The following DPF3 variants were observed in gnomAD, a reference collection of about 807,000 sequenced individuals.
DPF3 encodes zinc finger protein DPF3.
Under a neutral mutation model 56.8 loss-of-function variants are expected in DPF3, and 18 were observed. That is an observed-to-expected ratio of 0.32 (90% CI 0.22 to 0.47). DPF3 has a LOEUF of 0.47. DPF3 is among the 20% of genes least tolerant of loss of function. The probability of loss-of-function intolerance (pLI) is 1.00; values close to 1 mark genes in which losing one functional copy is unlikely to be tolerated. For synonymous variants in DPF3, 188 were observed against 180.2 expected (o/e 1.04, Z -0.35); for missense variants, 403 against 488.8 (o/e 0.82, Z 1.65).
intron 1 of DPF3, among the ~76,000 whole-genome samples, chr14:72,830,459 T>A (rs1359252545): frequency 6.6e-6 from 1 of 152,210 alleles, no homozygotes; most frequent in Non-Finnish European, 1.5e-5. Flanking sequence ...GAATGTGGAA[T>A]TTGAAATCAG....
chr14:72,724,422 T>TG (rs1050305053), intron 4 of DPF3, among the ~76,000 whole-genome samples: 3 of 152,094 alleles, frequency 2.0e-5, no homozygotes, highest in African/African-American at 7.2e-5. Context: ...GATCATCCAG[T>TG]GAAGCCATGA....
intron 8 of DPF3, among the ~76,000 whole-genome samples, chr14:72,660,121 G>A (rs1470825606): frequency 6.6e-6 from 1 of 152,080 alleles, no homozygotes; most frequent in African/African-American, 2.4e-5. Context: ...AGAGATGGAT[G>A]GTGATGATGG....
chr14:72,692,342 G>T (rs1422938596), intron 7 of DPF3, among the ~76,000 whole-genome samples: 1 of 152,124 alleles, frequency 6.6e-6, no homozygotes, highest in Non-Finnish European at 1.5e-5. Flanking sequence ...TGAGATTTCT[G>T]CAGGCCCAGA....
intron 1 of DPF3, among the ~76,000 whole-genome samples, chr14:72,817,118 G>T (rs1005492748): frequency 4.6e-5 from 7 of 152,146 alleles, no homozygotes; most frequent in African/African-American, 1.4e-4. Context: ...GCCCCGGGGG[G>T]ACAGCGTCCA....
At chr14:72,637,795 T>C (rs1885428017) in intron 8 of DPF3, among the ~76,000 whole-genome samples, 1 of 151,906 alleles carries the variant, frequency 6.6e-6, no homozygotes, top group African/African-American at 2.4e-5. Context: ...CAGCTAAAAC[T>C]GAAAGTTAAA....
intron 6 of DPF3, among the ~76,000 whole-genome samples, chr14:72,711,130 C>T (rs1888636291): frequency 1.3e-5 from 2 of 152,176 alleles, no homozygotes; most frequent in South Asian, 4.1e-4. Context: ...TAGCTTATTA[C>T]CACTACACAT....
At chr14:72,762,499 C>T (rs1182118276) in intron 2 of DPF3, among the ~76,000 whole-genome samples, 2 of 151,396 alleles carry the variant, frequency 1.3e-5, no homozygotes, top group African/African-American at 4.8e-5. Flanking sequence ...ACATGATCAT[C>T]TCAATAGACA....
chr14:72,833,915 C>G (rs1256660996), intron 1 of DPF3, among the ~76,000 whole-genome samples: 2 of 152,200 alleles, frequency 1.3e-5, no homozygotes, highest in Non-Finnish European at 2.9e-5. Flanking sequence ...GGCATGGAAG[C>G]TCACGCCTGT....
intron 1 of DPF3, among the ~76,000 whole-genome samples, chr14:72,868,265 C>T (rs964059408): frequency 6.6e-6 from 1 of 152,172 alleles, no homozygotes; most frequent in African/African-American, 2.4e-5. Flanking sequence ...CCCACCAACT[C>T]CATCACTTTG....
At chr14:72,857,015 T>C (rs1468244058) in intron 1 of DPF3, among the ~76,000 whole-genome samples, 1 of 152,206 alleles carries the variant, frequency 6.6e-6, no homozygotes, top group Non-Finnish European at 1.5e-5. Flanking sequence ...CAGATTCCAT[T>C]AGTGACCTGA....
rs1398160310 is a variant in DPF3 at position 72,609,267 on chromosome 14, G to T, written c.*10030C>A. Among the ~76,000 whole-genome samples, 3 of 152,130 alleles carry T rather than the reference G, an allele frequency of 2.0e-5. No homozygotes were observed. The highest frequency in any genetic ancestry group is 4.4e-5 in the Non-Finnish European group (3 of 68,024). On this transcript the variant is annotated 3_prime_UTR_variant, in exon 11 of 11. Transcript: ENST00000556509. ...ACATTCTTCATCTCATCAGCGACAGGTCTCCCTCCCAGAACCCCATCAGGA... is the reference window on the plus strand; with the variant it reads ...ACATTCTTCATCTCATCAGCGACAGTTCTCCCTCCCAGAACCCCATCAGGA...
intron 3 of DPF3, among the ~76,000 whole-genome samples, chr14:72,733,721 T>A (rs1317666194): frequency 6.6e-6 from 1 of 151,728 alleles, no homozygotes; most frequent in Admixed American, 6.6e-5. Context: ...GAGGGGCAAA[T>A]GGAAAGAGCA....
At chr14:72,742,496 C>T (rs976818889) in intron 3 of DPF3, 3 of 152,706 alleles carry the variant, frequency 2.0e-5, no homozygotes, top group African/African-American at 4.8e-5. Flanking sequence ...TGCCCACCCC[C>T]GCCTGGCTCA....
At chr14:72,870,109 C>A (rs956032976) in intron 1 of DPF3, among the ~76,000 whole-genome samples, 20 of 152,144 alleles carry the variant, frequency 1.3e-4, no homozygotes, top group African/African-American at 4.6e-4. Context: ...TTTGGAAGAT[C>A]TGGAGTTTGG....
chr14:72,806,158 C>G (rs1175196543), intron 1 of DPF3: 1 of 152,196 alleles, frequency 6.6e-6, no homozygotes, highest in Non-Finnish European at 1.5e-5. Context: ...TACTGAAAAG[C>G]TCCTCAAATA....
At chr14:72,753,056 C>T (rs1490701259) in intron 3 of DPF3, among the ~76,000 whole-genome samples, 1 of 152,124 alleles carries the variant, frequency 6.6e-6, no homozygotes, top group African/African-American at 2.4e-5. Flanking sequence ...CATGAGACAC[C>T]CAGAGGGGAG....
intron 1 of DPF3, among the ~76,000 whole-genome samples, chr14:72,856,108 C>T (rs1372786955): frequency 6.6e-6 from 1 of 152,192 alleles, no homozygotes; most frequent in African/African-American, 2.4e-5. Flanking sequence ...CATGCAATAG[C>T]TTTGGGCAGG....
chr14:72,789,773 T>G (rs551952555), intron 1 of DPF3, among the ~76,000 whole-genome samples: 2 of 152,022 alleles, frequency 1.3e-5, no homozygotes, highest in East Asian at 3.9e-4. Context: ...ACTCAAGTGA[T>G]CCACCTGCCT....
chr14:72,848,732 C>T (rs1884856596), intron 1 of DPF3, among the ~76,000 whole-genome samples: 1 of 152,128 alleles, frequency 6.6e-6, no homozygotes, highest in South Asian at 2.1e-4. Flanking sequence ...ATGTTTCCTG[C>T]TTTCCTGGAA....
Sources: allele counts gnomAD v4.1 joint callset (sites outside exome capture counted in the v4.1 genomes callset), GRCh38; gene constraint gnomAD v4.1.1; transcripts MANE v1.5; gene names NCBI Gene and HGNC (gene_info 2026-07-23, HGNC 2026-07-21).